C3orf20: variants seen among roughly 807,000 people sequenced by gnomAD.
The protein encoded by C3orf20 is uncharacterized protein C3orf20.
A neutral mutation model predicts 88.3 loss-of-function variants in C3orf20; 76 were observed. The ratio of observed to expected loss-of-function variants is 0.86; its 90% CI spans 0.72 to 1.04. The LOEUF (loss-of-function observed/expected upper bound fraction) is 1.04, where lower values mean the gene tolerates loss of function less well. Among genes scored for constraint, C3orf20 ranks in the 50% least tolerant of loss-of-function variants. C3orf20 has a pLI of 0.00. For synonymous variants in C3orf20, 436 were observed against 437.4 expected (o/e 1.00, Z 0.04); for missense variants, 1,056 against 1,123.3 (o/e 0.94, Z 0.86).
At chr3:14,696,154 GT>G (rs1483495937) in intron 5 of C3orf20, among the ~76,000 whole-genome samples, 4 of 146,710 alleles carry the variant, frequency 2.7e-5, no homozygotes, top group Non-Finnish European at 6.0e-5. Flanking sequence ...CCCATTGTGT[GT>G]TTTTTGATTT....
At chr3:14,762,360 G>T (rs1000598024) in intron 15 of C3orf20, among the ~76,000 whole-genome samples, 1 of 152,210 alleles carries the variant, frequency 6.6e-6, no homozygotes, top group African/African-American at 2.4e-5. Flanking sequence ...TTCTTGAGCC[G>T]AGAGACCTAG....
chr3:14,772,679 C>T lies in C3orf20; in HGVS notation c.2631-112C>T. The T allele has an allele frequency of 3.8e-6, 3 of 796,316 alleles. No individual in the cohort carries two copies. Among genetic ancestry groups the T allele is most frequent in the Non-Finnish European group, 6.3e-6 (3 of 474,252 alleles). 49.3% of individuals were successfully genotyped at this position (796,316 alleles called of 1,614,324 possible). On this transcript the variant is annotated intron_variant, in intron 16 of 16. Coordinates refer to ENST00000253697, the MANE Select transcript of C3orf20 (RefSeq NM_032137.5). The surrounding 1 kb of genome is among the most constrained non-coding windows in gnomAD (Gnocchi z 4.2). The stretch of plus-strand genomic sequence containing the variant: ...CTCTGGTTGGAACAGCACCCAACAG[C>T]CTCACCTGTGCAAGGGAGAGGGCCT...
rs147642880 is a variant in C3orf20 at position 14,755,368 on chromosome 3, G to C, written c.1941-2003G>C. The stretch of plus-strand genomic sequence containing the variant: ...AGTCATAATTGTAAAAAGCCTTCCT[G>C]CTCCAAAATTATAGAATAATTTCCC... On this transcript the variant is annotated intron_variant, in intron 12 of 16. Coordinates refer to ENST00000253697, the MANE Select transcript of C3orf20 (RefSeq NM_032137.5). Among the ~76,000 whole-genome samples the C allele has an allele frequency of 8.8e-3, 1,330 of 151,966 alleles. 20 individuals carry two copies. Among genetic ancestry groups the C allele is most frequent in the African/African-American group, 0.03 (1,246 of 41,444 alleles).
At chr3:14,755,264 A>G (rs2035330440) in intron 12 of C3orf20, among the ~76,000 whole-genome samples, 1 of 151,920 alleles carries the variant, frequency 6.6e-6, no homozygotes, top group Admixed American at 6.5e-5. Flanking sequence ...TTTTTTTGCC[A>G]CAGAGGGATT....
intron 12 of C3orf20, among the ~76,000 whole-genome samples, chr3:14,728,947 T>C (rs978338809): frequency 6.6e-6 from 1 of 152,094 alleles, no homozygotes; most frequent in African/African-American, 2.4e-5. Flanking sequence ...TTTTTGTGGG[T>C]GAGCTAAGAA....
At chr3:14,750,479 C>G (rs2035187275) in intron 12 of C3orf20, among the ~76,000 whole-genome samples, 2 of 151,876 alleles carry the variant, frequency 1.3e-5, no homozygotes, top group South Asian at 4.2e-4. Context: ...TCACTGTGCC[C>G]TGGAGGTTGA....
At chr3:14,726,030 T>A (rs775418913) in intron 10 of C3orf20, among the ~76,000 whole-genome samples, 34 of 152,172 alleles carry the variant, frequency 2.2e-4, no homozygotes, top group Middle Eastern at 3.2e-3. Flanking sequence ...TGGGCCTGAT[T>A]TTGCAGTGCC....
intron 12 of C3orf20, among the ~76,000 whole-genome samples, chr3:14,751,142 A>G (rs191558723): frequency 1.3e-5 from 2 of 152,218 alleles, no homozygotes; most frequent in Admixed American, 6.5e-5. Context: ...ATTACTTTTC[A>G]TAATTCTTGT....
intron 1 of C3orf20, among the ~76,000 whole-genome samples, chr3:14,677,529 T>A (rs2031840200): frequency 6.6e-6 from 1 of 152,036 alleles, no homozygotes; most frequent in Non-Finnish European, 1.5e-5. Context: ...GACGGGAGTT[T>A]CGTTCCTGTT....
chr3:14,732,540 C>T (rs1419736903), intron 12 of C3orf20, among the ~76,000 whole-genome samples: 1 of 152,072 alleles, frequency 6.6e-6, no homozygotes, highest in Non-Finnish European at 1.5e-5. Context: ...GTCTAAAAAC[C>T]CTTTGTTTAA....
intron 12 of C3orf20, among the ~76,000 whole-genome samples, chr3:14,743,901 G>A (rs1477260887): frequency 6.6e-6 from 1 of 151,984 alleles, no homozygotes; most frequent in African/African-American, 2.4e-5. Flanking sequence ...CCTGGGCCCA[G>A]CCCACGAAAC....
In C3orf20 at chr3:14,759,927, C is replaced by T; in HGVS notation, c.2281C>T (p.Leu761=). The change falls in exon 14 of 17, where the codon CTG becomes TTG. Residue 761 remains leucine, a synonymous_variant. Transcript: ENST00000253697. ...CTCCTACCGCCTGCTGCAGTATGACCTGGACAGCCCCCTGCAGGAGGACCC... is the reference window on the plus strand; with the variant it reads ...CTCCTACCGCCTGCTGCAGTATGACTTGGACAGCCCCCTGCAGGAGGACCC... ...YDSYRLLQYD[L]DSPLQEDPPL... 6.2e-7 allele frequency: 1 copy of T among 1,614,152 alleles called. No homozygotes were observed. The highest frequency in any genetic ancestry group is 8.5e-7 in the Non-Finnish European group (1 of 1,180,008).
intron 5 of C3orf20, among the ~76,000 whole-genome samples, chr3:14,699,929 CT>C (rs34588358): frequency 0.85 from 129,450 of 152,190 alleles, 55,201 homozygotes; most frequent in Non-Finnish European, 0.89. Context: ...GATGCAGCCA[CT>C]TGGGATGGGT....
chr3:14,741,397 C>A (rs1352770001), intron 12 of C3orf20, among the ~76,000 whole-genome samples: 4 of 152,134 alleles, frequency 2.6e-5, no homozygotes, highest in African/African-American at 4.8e-5. Flanking sequence ...TCAACACTTG[C>A]CTTGAAAGGT....
At chr3:14,763,709 C>T (rs1418863684) in intron 15 of C3orf20, among the ~76,000 whole-genome samples, 1 of 152,154 alleles carries the variant, frequency 6.6e-6, no homozygotes, top group Non-Finnish European at 1.5e-5. Context: ...CTGTGTAAAA[C>T]ACTCACCCTC....
intron 10 of C3orf20, 81 bp downstream of exon 10, chr3:14,721,865 T>C: frequency 6.4e-7 from 1 of 1,560,282 alleles, no homozygotes; most frequent in Non-Finnish European, 8.8e-7. Flanking sequence ...TCAGGGCCTT[T>C]GCTCTTACTC....
intron 15 of C3orf20, among the ~76,000 whole-genome samples, chr3:14,763,674 C>T (rs891047307): frequency 2.6e-5 from 4 of 152,102 alleles, no homozygotes; most frequent in East Asian, 1.9e-4. Flanking sequence ...TTAAGGAGTC[C>T]GGCCACCTTT....
At position 14,757,396 on chromosome 3, in the gene C3orf20, C is replaced by A. The variant is rs1394485459; in HGVS notation, c.1966C>A (p.Pro656Thr). The A allele has an allele frequency of 6.2e-6, 10 of 1,611,730 alleles. No homozygotes were observed. In the South Asian group the frequency reaches 9.9e-5, roughly 16 times the overall value. Residue 656 changes from proline (P) to threonine (T), a missense_variant, in exon 13 of 17, where the codon CCC (proline) becomes ACC (threonine). Pro to Thr is a conservative substitution (Grantham distance 38). Transcript: ENST00000253697. ...SRGKAREGRS[P>T]TRWAALPSDC... is the part of the protein sequence containing the mutation. ...AGGGAAGGCCCGCGAGGGGCGCAGC[C>A]CCACCAGGTGGGCGGCCTTGCCCTC...
chr3:14,745,144 T>C (rs2568848), intron 12 of C3orf20, among the ~76,000 whole-genome samples: 103,473 of 152,076 alleles, frequency 0.68, 35,658 homozygotes, highest in African/African-American at 0.81. Flanking sequence ...TTGATGAAGC[T>C]AGGCTGAAGA....
Sources: allele counts gnomAD v4.1 joint callset (sites outside exome capture counted in the v4.1 genomes callset), GRCh38; gene constraint gnomAD v4.1.1; non-coding constraint Gnocchi (gnomAD v3.1); transcripts MANE v1.5; gene names NCBI Gene and HGNC (gene_info 2026-07-23, HGNC 2026-07-21).